WNT2B: variants seen among roughly 807,000 people sequenced by gnomAD.
WNT2B encodes protein Wnt-2b.
In WNT2B, 19 loss-of-function variants were observed where a neutral mutation model predicts 40.5. The observed-to-expected ratio is 0.47, with a 90% CI of 0.33 to 0.69. WNT2B has a LOEUF of 0.69. Ranked by LOEUF, WNT2B falls within the 30% of genes least tolerant of loss-of-function variation. The pLI, the probability that WNT2B is intolerant of heterozygous loss-of-function variation, is 0.02. For synonymous variants in WNT2B, 220 were observed against 211.9 expected (o/e 1.04, Z -0.33); for missense variants, 467 against 556.4 (o/e 0.84, Z 1.62).
rs1470639198 is a variant in WNT2B at position 112,525,261 on chromosome 1, C to T, written c.*4752C>T. On this transcript the variant is annotated 3_prime_UTR_variant, in exon 5 of 5. Coordinates refer to ENST00000369684, the MANE Select transcript of WNT2B (RefSeq NM_024494.3). ...GAGAGCTTTGGATTCCAGGGATGAT[C>T]TCCATAAGAGAGAAGCACTGGAAAA... 6.6e-6 allele frequency: 1 copy of T among 152,150 alleles called. No homozygotes were observed. The highest frequency in any genetic ancestry group is 1.5e-5 in the Non-Finnish European group (1 of 68,028). 9.4% of individuals were successfully genotyped at this position (152,150 alleles called of 1,614,324 possible). A position where few individuals can be genotyped will look rare whatever the true frequency, so the allele number is the denominator to read the frequency against.
upstream of WNT2B, among the ~76,000 whole-genome samples, chr1:112,504,299 C>G (rs1202440762): frequency 6.6e-6 from 1 of 152,168 alleles, no homozygotes; most frequent in Non-Finnish European, 1.5e-5. Context: ...CCTCCTTCCC[C>G]TTCTCCTTTA....
At chr1:112,497,146 A>G (rs1304841845) in intron 1 of WNT2B, among the ~76,000 whole-genome samples, 1 of 152,160 alleles carries the variant, frequency 6.6e-6, no homozygotes, top group Non-Finnish European at 1.5e-5. Context: ...GGAATAGGGT[A>G]CCTGTGGCTT....
upstream of WNT2B, among the ~76,000 whole-genome samples, chr1:112,508,501 T>C (rs1280421532): frequency 6.6e-6 from 1 of 151,892 alleles, no homozygotes; most frequent in East Asian, 2.0e-4. This position sits in a 1 kb window ranked among gnomAD's most constrained non-coding sequence, Gnocchi z 4.2. Context: ...AAAAGGTAGT[T>C]AAGACCTCCA....
chr1:112,509,122 G>C lies in WNT2B; in HGVS notation c.-141G>C. ...TCGGGGATCCTCCTCCCGGGCTCTGGACCCCAGGTGATCCTAGGTCCCCAG... is the reference window on the plus strand; with the variant it reads ...TCGGGGATCCTCCTCCCGGGCTCTGCACCCCAGGTGATCCTAGGTCCCCAG... On this transcript the variant is annotated 5_prime_UTR_variant, in exon 1 of 5. Transcript: ENST00000369684. The surrounding 1 kb of genome is among the most constrained non-coding windows in gnomAD (Gnocchi z 4.2). The C allele has an allele frequency of 7.3e-7, 1 of 1,367,310 alleles. No homozygotes were observed. The highest frequency in any genetic ancestry group is 9.4e-7 in the Non-Finnish European group (1 of 1,068,618). 84.7% of individuals were successfully genotyped at this position (1,367,310 alleles called of 1,614,324 possible). A position where few individuals can be genotyped will look rare whatever the true frequency, so the allele number is the denominator to read the frequency against.
Position 112,508,975 on chromosome 1 carries a change from C to T in WNT2B, c.-288C>T, listed in dbSNP as rs1014306339. 4 of 1,277,040 alleles carry T rather than the reference C, an allele frequency of 3.1e-6. No individual in the cohort carries two copies. The highest frequency in any genetic ancestry group is 3.9e-6 in the Non-Finnish European group (4 of 1,016,090). The allele number at this position is 1,277,040 out of a possible 1,614,324, so 79.1% of individuals were successfully genotyped here. ...CCGAAGGGGCTGTCCGCACACTAGGCCCGCAGCTCCCTTCAGCGCCGCAGA... is the reference window on the plus strand; with the variant it reads ...CCGAAGGGGCTGTCCGCACACTAGGTCCGCAGCTCCCTTCAGCGCCGCAGA... On this transcript the variant is annotated 5_prime_UTR_variant, in exon 1 of 5. Coordinates refer to ENST00000369684, the MANE Select transcript of WNT2B (RefSeq NM_024494.3). The surrounding 1 kb of genome is among the most constrained non-coding windows in gnomAD (Gnocchi z 4.2).
chr1:112,472,809 A>G (rs1238726015), intron 1 of WNT2B, among the ~76,000 whole-genome samples: 1 of 151,994 alleles, frequency 6.6e-6, no homozygotes, highest in African/African-American at 2.4e-5. Context: ...CAAAAAATAC[A>G]AAATTTAGCT....
Position 112,520,813 on chromosome 1 carries a change from GCTC to G in WNT2B, c.*307_*309del, listed in dbSNP as rs1469747768. 2.4e-5 allele frequency: 9 copies of G among 370,414 alleles called. No individual in the cohort carries two copies. The highest frequency in any genetic ancestry group is 1.2e-4 in the South Asian group (2 of 16,146). The allele number at this position is 370,414 out of a possible 1,614,324, so 22.9% of individuals were successfully genotyped here. On this transcript the variant is annotated 3_prime_UTR_variant, in exon 5 of 5. Coordinates refer to ENST00000369684, the MANE Select transcript of WNT2B (RefSeq NM_024494.3). ...AGTTGCACTAAAGTACGTAGTTGAGGCTCCTTTTTTCTTTCCTTTGCACCAGCT... is the reference window on the plus strand; with the variant it reads ...AGTTGCACTAAAGTACGTAGTTGAGGCTTTTTTCTTTCCTTTGCACCAGCT...
In WNT2B at chr1:112,509,991, A is replaced by T. The variant is rs913297029; in HGVS notation, c.182+547A>T. On this transcript the variant is annotated intron_variant, in intron 1 of 4. Coordinates refer to ENST00000369684, the MANE Select transcript of WNT2B (RefSeq NM_024494.3). This position sits in a 1 kb window ranked among gnomAD's most constrained non-coding sequence, Gnocchi z 4.2. The stretch of plus-strand genomic sequence containing the variant: ...CCCACAATTAAAACAAACAAAACGC[A>T]TGGGTTTGCATTATCTAGGCATTTG... Among the ~76,000 whole-genome samples, 3 of 152,086 alleles carry T rather than the reference A, an allele frequency of 2.0e-5. No individual in the cohort carries two copies. Among genetic ancestry groups the T allele is most frequent in the Non-Finnish European group, 2.9e-5 (2 of 68,004 alleles).
rs1343628941 is a variant in WNT2B at position 112,524,847 on chromosome 1, T to G, written c.*4338T>G. 6.6e-6 allele frequency: 1 copy of G among 151,086 alleles called. No individual in the cohort carries two copies. Among genetic ancestry groups the G allele is most frequent in the Admixed American group, 6.6e-5 (1 of 15,214 alleles). The allele number at this position is 151,086 out of a possible 1,614,324, so 9.4% of individuals were successfully genotyped here. Reference sequence around the variant, plus strand: ...CTGCTCATCCTCCTCTCCCCAACAATTAAAAAAAAAAGCAATTAGATTTCG... The same window carrying G: ...CTGCTCATCCTCCTCTCCCCAACAAGTAAAAAAAAAAGCAATTAGATTTCG... On this transcript the variant is annotated 3_prime_UTR_variant, in exon 5 of 5. Transcript: ENST00000369684.
chr1:112,496,728 G>A (rs1651786706), intron 1 of WNT2B, among the ~76,000 whole-genome samples: 1 of 151,986 alleles, frequency 6.6e-6, no homozygotes, highest in Non-Finnish European at 1.5e-5. Flanking sequence ...AGCCTCCTGA[G>A]TAGCTGGGAT....
chr1:112,509,234 G>C lies in WNT2B; in HGVS notation c.-29G>C. On this transcript the variant is annotated 5_prime_UTR_variant, in exon 1 of 5. Transcript: ENST00000369684. The surrounding 1 kb of genome is among the most constrained non-coding windows in gnomAD (Gnocchi z 4.2). The stretch of plus-strand genomic sequence containing the variant: ...AAGGTGCCCCGTCCACGCCCCTCCG[G>C]GCTGCGCGGCGGGAGTCTTCGGGGA... 2 of 1,495,696 alleles carry C rather than the reference G, an allele frequency of 1.3e-6. No individual in the cohort carries two copies. Among genetic ancestry groups the C allele is most frequent in the Non-Finnish European group, 1.8e-6 (2 of 1,130,460 alleles). 92.7% of individuals were successfully genotyped at this position (1,495,696 alleles called of 1,614,324 possible).
intron 1 of WNT2B, among the ~76,000 whole-genome samples, chr1:112,500,617 T>G (rs1209312349): frequency 1.3e-5 from 2 of 151,788 alleles, no homozygotes; most frequent in African/African-American, 4.8e-5. Flanking sequence ...AAAAAATTTT[T>G]TTTAATTATT....
intron 1 of WNT2B, among the ~76,000 whole-genome samples, chr1:112,510,526 C>T (rs1314042594): frequency 6.6e-6 from 1 of 152,148 alleles, no homozygotes; most frequent in Non-Finnish European, 1.5e-5. Flanking sequence ...CTCTTCTCTC[C>T]TTGCACCCTG....
intron 1 of WNT2B, among the ~76,000 whole-genome samples, chr1:112,488,362 C>T (rs957559398): frequency 6.6e-6 from 1 of 151,834 alleles, no homozygotes; most frequent in African/African-American, 2.4e-5. Flanking sequence ...ATATTTTGCG[C>T]CTTAAGGGAA....
At chr1:112,506,556 G>C (rs1467104608), upstream of WNT2B, among the ~76,000 whole-genome samples, 2 of 152,208 alleles carry the variant, frequency 1.3e-5, no homozygotes, top group South Asian at 4.1e-4. Context: ...ACACAGGGGA[G>C]TCTGGGAGAG....
chr1:112,479,430 C>T (rs1213723713), intron 1 of WNT2B, among the ~76,000 whole-genome samples: 16 of 149,518 alleles, frequency 1.1e-4, no homozygotes, highest in Middle Eastern at 3.8e-3. Flanking sequence ...AAAAATTAGC[C>T]GGTTGTGGTG....
chr1:112,525,963 G>T lies in WNT2B; in HGVS notation c.*5454G>T. 6.2e-7 allele frequency: 1 copy of T among 1,610,816 alleles called. No individual in the cohort carries two copies. Among genetic ancestry groups the T allele is most frequent in the Non-Finnish European group, 8.5e-7 (1 of 1,177,602 alleles). ...GGGTTACTGTCACTTTACAGATGCT[G>T]TTCAGAAAAATTTGGTGATTTGTCC... On this transcript the variant is annotated 3_prime_UTR_variant, in exon 5 of 5. Transcript: ENST00000369684.
chr1:112,470,619 T>C (rs1247483932), intron 1 of WNT2B, among the ~76,000 whole-genome samples: 2 of 152,046 alleles, frequency 1.3e-5, no homozygotes, highest in African/African-American at 4.8e-5. Context: ...ATCATGCTGC[T>C]ATGGTGTACA....
In WNT2B at chr1:112,523,034, T is replaced by C. The variant is rs1652964319; in HGVS notation, c.*2525T>C. The C allele has an allele frequency of 6.6e-6, 1 of 152,258 alleles. No homozygotes were observed. The highest frequency in any genetic ancestry group is 6.5e-5 in the Admixed American group (1 of 15,288). The allele number at this position is 152,258 out of a possible 1,614,324, so 9.4% of individuals were successfully genotyped here. A position where few individuals can be genotyped will look rare whatever the true frequency, so the allele number is the denominator to read the frequency against. ...AGCTGCCTTATATTATATGCCAGGC[T>C]GCTGGGGAAAGCCTCAGGTCCTGGC... On this transcript the variant is annotated 3_prime_UTR_variant, in exon 5 of 5. Coordinates refer to ENST00000369684, the MANE Select transcript of WNT2B (RefSeq NM_024494.3).
Sources: gnomAD v4.1 joint callset for allele counts (sites outside exome capture counted in the v4.1 genomes callset) on GRCh38, gnomAD v4.1.1 for gene constraint, Gnocchi (gnomAD v3.1) non-coding constraint, MANE v1.5 for transcripts, NCBI Gene and HGNC (gene_info 2026-07-23, HGNC 2026-07-21) for gene names.